Variants in OLFM1 observed in about 807,000 individuals in gnomAD.
OLFM1 encodes noelin.
Under a neutral mutation model 49.7 loss-of-function variants are expected in OLFM1, and 9 were observed. The ratio of observed to expected loss-of-function variants is 0.18; its 90% CI spans 0.11 to 0.32. OLFM1 has a LOEUF of 0.32. Among genes scored for constraint, OLFM1 ranks in the 10% least tolerant of loss-of-function variants. OLFM1 has a pLI of 1.00. For missense variants in OLFM1, 369 were observed against 661.8 expected, an observed-to-expected ratio of 0.56 and a Z score of 4.85; for synonymous variants, 240 against 271.8, an observed-to-expected ratio of 0.88 and a Z score of 1.15.
Position 135,113,801 on chromosome 9 carries a change from G to A in OLFM1, c.784-5703G>A, listed in dbSNP as rs144977715. Among the ~76,000 whole-genome samples the A allele has an allele frequency of 3.6e-3, 550 of 152,350 alleles. 7 individuals are homozygous for A. Among genetic ancestry groups the A allele is most frequent in the African/African-American group, 0.013 (531 of 41,588 alleles). On this transcript the variant is annotated intron_variant, in intron 5 of 5. Coordinates refer to ENST00000371793, the MANE Select transcript of OLFM1 (RefSeq NM_001282611.2). The surrounding 1 kb of genome is among the most constrained non-coding windows in gnomAD (Gnocchi z 4.0). The stretch of plus-strand genomic sequence containing the variant: ...GATGCCCCAGCACACGGGTGTGGAA[G>A]CCCAAGAGGTGCCCTGTGGCTGCTG...
At chr9:135,081,750 T>C (rs545489156) in intron 1 of OLFM1, among the ~76,000 whole-genome samples, 30 of 152,234 alleles carry the variant, frequency 2.0e-4, no homozygotes, top group African/African-American at 7.2e-4. Context: ...CCGAGGCAGG[T>C]GGATCACTTG....
intron 2 of OLFM1, among the ~76,000 whole-genome samples, chr9:135,093,048 A>T (rs550604985): frequency 6.6e-6 from 1 of 152,244 alleles, no homozygotes; most frequent in Admixed American, 6.5e-5. Context: ...GTCACAGCTG[A>T]GCATATTCCA....
At chr9:135,094,853 A>G (rs1301047634) in intron 2 of OLFM1, among the ~76,000 whole-genome samples, 3 of 152,192 alleles carry the variant, frequency 2.0e-5, no homozygotes, top group South Asian at 2.1e-4. Flanking sequence ...TAGAAGGGAG[A>G]GTATTTTCAA....
exon 1 of OLFM1, chr9:135,075,748 C>G: frequency 6.2e-7 from 1 of 1,606,472 alleles, no homozygotes; most frequent in African/African-American, 1.4e-5. Flanking sequence ...TGCACCCGGC[C>G]CGGAAGCTCC....
intron 2 of OLFM1, among the ~76,000 whole-genome samples, chr9:135,094,176 G>A (rs1830754470): frequency 6.6e-6 from 1 of 152,134 alleles, no homozygotes; most frequent in South Asian, 2.1e-4. Context: ...GTGGCTGCAG[G>A]AGCTACTCCC....
At chr9:135,087,379 A>G, upstream of OLFM1, 1 of 1,547,004 alleles carries the variant, frequency 6.5e-7, no homozygotes, top group East Asian at 2.5e-5. Context: ...TGAGGATGGG[A>G]GAAGCCCCGG....
At chr9:135,083,893 C>T (rs1002167499), upstream of OLFM1, among the ~76,000 whole-genome samples, 1 of 152,250 alleles carries the variant, frequency 6.6e-6, no homozygotes. Context: ...GGGCCAAAAT[C>T]GCAGGTCACA....
chr9:135,077,577 A>C (rs893723970), intron 1 of OLFM1, among the ~76,000 whole-genome samples: 4 of 152,164 alleles, frequency 2.6e-5, no homozygotes, highest in South Asian at 2.1e-4. Context: ...GTCAGGGCCC[A>C]GCCAGCCACC....
intron 2 of OLFM1, among the ~76,000 whole-genome samples, chr9:135,095,580 C>T (rs1041353076): frequency 1.3e-5 from 2 of 150,922 alleles, no homozygotes; most frequent in African/African-American, 4.9e-5. Flanking sequence ...CCTGGAGCTA[C>T]AGCGAATAAC....
upstream of OLFM1, among the ~76,000 whole-genome samples, chr9:135,085,207 G>A (rs888611110): frequency 7.9e-5 from 12 of 152,298 alleles, no homozygotes; most frequent in Admixed American, 7.2e-4. Context: ...TCAGAAAGGG[G>A]TGGGCAACCT....
chr9:135,076,205 C>T, intron 1 of OLFM1: 2 of 1,550,608 alleles, frequency 1.3e-6, no homozygotes, highest in African/African-American at 1.4e-5. Context: ...TTAGTCCTAC[C>T]CCCAACACAC....
At chr9:135,085,563 G>C (rs1830586289), upstream of OLFM1, among the ~76,000 whole-genome samples, 2 of 152,234 alleles carry the variant, frequency 1.3e-5, no homozygotes, top group African/African-American at 4.8e-5. Flanking sequence ...GTGCCACCAG[G>C]GGCGCAGCAC....
At chr9:135,104,940 A>AC (rs1271387191) in intron 4 of OLFM1, among the ~76,000 whole-genome samples, 1 of 151,860 alleles carries the variant, frequency 6.6e-6, no homozygotes, top group Non-Finnish European at 1.5e-5. Flanking sequence ...GACTTCTCAG[A>AC]CCCCCCACAT....
intron 5 of OLFM1, among the ~76,000 whole-genome samples, chr9:135,118,487 A>ACTGGGTCTTTGGAGTGCTTG (rs1831129989): frequency 9.0e-6 from 1 of 111,432 alleles, no homozygotes; most frequent in Admixed American, 8.8e-5. Context: ...TGGAGTGCTC[A>ACTGGGTCTTTGGAGTGCTTG]CTGGGTCTTT....
chr9:135,119,874 T>C lies in OLFM1; in HGVS notation c.1154T>C (p.Val385Ala). 1 of 1,613,572 alleles carries C rather than the reference T, an allele frequency of 6.2e-7. No homozygotes were observed. The highest frequency in any genetic ancestry group is 8.5e-7 in the Non-Finnish European group (1 of 1,180,014). Residue 385 changes from valine (V) to alanine (A), a missense_variant, in exon 6 of 6, where the codon GTG (valine) becomes GCG (alanine). Physicochemically the swap from Val to Ala is moderately conservative, Grantham distance 64 (BLOSUM62 0). Coordinates refer to ENST00000371793, the MANE Select transcript of OLFM1 (RefSeq NM_001282611.2). ...GNIVVSRLDP[V>A]SLQTLQTWNT... ...ATCGTGGTCAGTAGGCTGGACCCCG[T>C]GTCCCTGCAGACCCTGCAGACCTGG...
chr9:135,089,541 G>A (rs1219983906), intron 1 of OLFM1, among the ~76,000 whole-genome samples: 3 of 152,192 alleles, frequency 2.0e-5, no homozygotes, highest in African/African-American at 7.2e-5. Flanking sequence ...GCAATTTGGC[G>A]ACCTCCACCA....
At chr9:135,076,665 T>C (rs1830470185) in intron 1 of OLFM1, 1 of 1,262,784 alleles carries the variant, frequency 7.9e-7, no homozygotes, top group Admixed American at 2.9e-5. Context: ...GCCCTTTCAA[T>C]GATGCCACTG....
intron 5 of OLFM1, among the ~76,000 whole-genome samples, chr9:135,115,086 C>A (rs1831079161): frequency 6.6e-6 from 1 of 152,220 alleles, no homozygotes; most frequent in African/African-American, 2.4e-5. Flanking sequence ...ACACACAGAT[C>A]CTTTCCTCAA....
intron 4 of OLFM1, among the ~76,000 whole-genome samples, chr9:135,100,530 G>A (rs1290466683): frequency 1.3e-5 from 2 of 152,220 alleles, no homozygotes; most frequent in East Asian, 1.9e-4. Flanking sequence ...GAAGGGCTGC[G>A]ACACGTAGGC....
Sources: allele counts gnomAD v4.1 joint callset (sites outside exome capture counted in the v4.1 genomes callset), GRCh38; gene constraint gnomAD v4.1.1; non-coding constraint Gnocchi (gnomAD v3.1); transcripts MANE v1.5; gene names NCBI Gene and HGNC (gene_info 2026-07-23, HGNC 2026-07-21).